Variants in SYN2 observed in about 807,000 individuals in gnomAD.
The protein encoded by SYN2 is synapsin II, also known as synapsin-2.
In SYN2, 19 loss-of-function variants were observed where a neutral mutation model predicts 50.9. The observed-to-expected ratio is 0.37, with a 90% confidence interval of 0.26 to 0.55. The LOEUF is 0.55. Among genes scored for constraint, SYN2 ranks in the 20% least tolerant of loss-of-function variants. The pLI is 0.81. For synonymous variants in SYN2, 255 were observed against 224.9 expected, an observed-to-expected ratio of 1.13 and a Z score of -1.20; for missense variants, 587 against 576.4, an observed-to-expected ratio of 1.02 and a Z score of -0.19.
At chr3:12,172,530 A>G (rs1468089794) in intron 10 of SYN2, among the ~76,000 whole-genome samples, 5 of 152,226 alleles carry the variant, frequency 3.3e-5, no homozygotes, top group South Asian at 2.1e-4. Flanking sequence ...TTCAAACACA[A>G]AACTTCGATT....
intron 5 of SYN2, chr3:12,154,538 C>T: frequency 6.7e-7 from 1 of 1,500,110 alleles, no homozygotes; most frequent in South Asian, 1.3e-5. Flanking sequence ...CCCAGAATTG[C>T]AGCCTCCCCA....
intron 1 of SYN2, among the ~76,000 whole-genome samples, chr3:12,091,046 T>C (rs1695814477): frequency 6.6e-6 from 1 of 152,210 alleles, no homozygotes; most frequent in South Asian, 2.1e-4. Context: ...TTCTTCTATC[T>C]CTTCCCCTCA....
intron 1 of SYN2, among the ~76,000 whole-genome samples, chr3:12,093,488 C>G (rs1394656242): frequency 6.6e-6 from 1 of 152,114 alleles, no homozygotes; most frequent in African/African-American, 2.4e-5. Context: ...GTTCTCCTCC[C>G]CTGGTAAGAT....
At chr3:12,077,815 T>A (rs575550544) in intron 1 of SYN2, among the ~76,000 whole-genome samples, 51 of 152,342 alleles carry the variant, frequency 3.3e-4, no homozygotes, top group African/African-American at 1.2e-3. Flanking sequence ...GAATGATTTA[T>A]ATTCCTTTGG....
At chr3:12,136,798 G>A (rs976508931) in intron 1 of SYN2, among the ~76,000 whole-genome samples, 1 of 152,174 alleles carries the variant, frequency 6.6e-6, no homozygotes, top group African/African-American at 2.4e-5. Context: ...CAGCTGCTAG[G>A]CTTGTTAAGA....
intron 1 of SYN2, among the ~76,000 whole-genome samples, chr3:12,017,502 A>G (rs1444789029): frequency 6.6e-6 from 1 of 152,142 alleles, no homozygotes. Flanking sequence ...TCTCCTTTCC[A>G]CTGAACACCT....
intron 2 of SYN2, among the ~76,000 whole-genome samples, chr3:12,141,536 A>G (rs1389398243): frequency 6.6e-6 from 1 of 152,232 alleles, no homozygotes; most frequent in Non-Finnish European, 1.5e-5. Flanking sequence ...TAGTGCTTTT[A>G]TGTTGAAACT....
At chr3:12,186,891 G>A (rs1284924035) in intron 11 of SYN2, among the ~76,000 whole-genome samples, 1 of 152,184 alleles carries the variant, frequency 6.6e-6, no homozygotes, top group Non-Finnish European at 1.5e-5. Context: ...GAAAACCAAG[G>A]CCCAGGGAAG....
chr3:12,011,063 A>G (rs1029365516), intron 1 of SYN2, among the ~76,000 whole-genome samples: 1 of 152,240 alleles, frequency 6.6e-6, no homozygotes, highest in Non-Finnish European at 1.5e-5. Context: ...CTAAACACAC[A>G]GAAAAACCAA....
At position 12,187,573 on chromosome 3, in the gene SYN2, C is replaced by G; in HGVS notation, c.1574C>G (p.Ala525Gly). The change falls in exon 12 of 13, where the codon GCT becomes GGT. Residue 525 changes from alanine to glycine, a missense_variant. Coordinates refer to ENST00000621198, the MANE Select transcript of SYN2 (RefSeq NM_133625.6). ...CTGGCAGAGGCCCAGCCACCCCTGG[C>G]TGCTCCACCACAGAAGCCCCAGCCT... ...SSLAEAQPPL[A>G]APPQKPQPHP... 5.8e-6 allele frequency: 9 copies of G among 1,551,974 alleles called. No individual in the cohort carries two copies. Among genetic ancestry groups the G allele is most frequent in the Non-Finnish European group, 7.8e-6 (9 of 1,146,950 alleles).
rs569249919 is a variant in SYN2 at position 12,020,561 on chromosome 3, C to T, written c.377+15633C>T. Among the ~76,000 whole-genome samples, 264 of 152,086 alleles carry T rather than the reference C, an allele frequency of 1.7e-3. 2 individuals are homozygous for T. Among genetic ancestry groups the T allele is most frequent in the Non-Finnish European group, 2.9e-3 (194 of 68,008 alleles). On this transcript the variant is annotated intron_variant, in intron 1 of 12. Coordinates refer to ENST00000621198, the MANE Select transcript of SYN2 (RefSeq NM_133625.6). ...AGGATCCTGTGCTTTCCCCCAGACC[C>T]TTAGGAGAAAGATCTAGGTAGCAGC...
Position 12,162,002 on chromosome 3 carries a change from C to A in SYN2, c.838-10C>A. The A allele has an allele frequency of 1.2e-6, 2 of 1,613,962 alleles. No individual in the cohort carries two copies. The highest frequency in any genetic ancestry group is 1.7e-6 in the Non-Finnish European group (2 of 1,179,864). On this transcript the variant is annotated splice_polypyrimidine_tract_variant and intron_variant, in intron 6 of 12. Transcript: ENST00000621198. ...TCCCTTTCCCCCTTTCTGCCCTGCT[C>A]TAACATTAGGTCAAAGTGGAAAACC... is the stretch of plus-strand genomic sequence containing the variant.
At position 12,145,614 on chromosome 3, in the gene SYN2, G is replaced by A; in HGVS notation, c.528-65G>A. The A allele has an allele frequency of 3.8e-6, 6 of 1,564,392 alleles. No individual in the cohort carries two copies. The South Asian group carries it at 4.7e-5, about 12-fold the overall frequency. ...TCTTTATCTTGGGTTTTGGAAATGG[G>A]AACCAAAATGATGTATGGCCTGAAG... On this transcript the variant is annotated intron_variant, in intron 3 of 12. Transcript: ENST00000621198.
At chr3:12,187,301 G>T (rs890963340) in intron 11 of SYN2, 68 bp from the exon 12 acceptor site, 23 of 1,464,076 alleles carry the variant, frequency 1.6e-5, no homozygotes, top group Non-Finnish European at 2.1e-5. Flanking sequence ...ACCCTTTGAG[G>T]CATAAATTCT....
intron 5 of SYN2, among the ~76,000 whole-genome samples, chr3:12,152,590 C>T (rs903385406): frequency 6.6e-6 from 1 of 152,202 alleles, no homozygotes; most frequent in Admixed American, 6.5e-5. Context: ...GCTTTTCCCT[C>T]AAGGGCCTTT....
At chr3:12,062,333 C>T (rs1695129805) in intron 1 of SYN2, among the ~76,000 whole-genome samples, 1 of 151,922 alleles carries the variant, frequency 6.6e-6, no homozygotes, top group South Asian at 2.1e-4. Flanking sequence ...AGACACAAAT[C>T]TTATACTTTT....
intron 1 of SYN2, among the ~76,000 whole-genome samples, chr3:12,008,814 A>T (rs951437455): frequency 4.6e-5 from 7 of 152,210 alleles, no homozygotes; most frequent in Non-Finnish European, 7.3e-5. Flanking sequence ...AGCTCGAAGA[A>T]TTGGAATCAA....
intron 1 of SYN2, among the ~76,000 whole-genome samples, chr3:12,075,724 G>A (rs944010249): frequency 3.9e-5 from 6 of 152,120 alleles, no homozygotes; most frequent in African/African-American, 1.4e-4. Flanking sequence ...TATATGACCA[G>A]TGATTTAAAG....
At chr3:12,033,581 T>A (rs187406654) in intron 1 of SYN2, among the ~76,000 whole-genome samples, 1 of 152,318 alleles carries the variant, frequency 6.6e-6, no homozygotes, top group African/African-American at 2.4e-5. Flanking sequence ...TTGGTTTTAG[T>A]ATATTCACAA....
Sources: allele counts gnomAD v4.1 joint callset (sites outside exome capture counted in the v4.1 genomes callset), GRCh38; gene constraint gnomAD v4.1.1; transcripts MANE v1.5; gene names NCBI Gene and HGNC (gene_info 2026-07-23, HGNC 2026-07-21).